The following TNRC18 variants were observed in gnomAD, a reference collection of about 807,000 sequenced individuals.
TNRC18 encodes the protein trinucleotide repeat-containing gene 18 protein.
Under a neutral mutation model 226.7 loss-of-function variants are expected in TNRC18, and 69 were observed. The observed-to-expected ratio is 0.30, with a 90% CI of 0.25 to 0.37. The LOEUF (loss-of-function observed/expected upper bound fraction) is 0.37, where lower values mean the gene tolerates loss of function less well. Among genes scored for constraint, TNRC18 ranks in the 10% least tolerant of loss-of-function variants. TNRC18 has a pLI of 1.00. For missense variants in TNRC18, 4,754 were observed against 4,256.6 expected, an observed-to-expected ratio of 1.12 and a Z score of -3.25; for synonymous variants, 2,449 against 1,927.6, an observed-to-expected ratio of 1.27 and a Z score of -7.09.
intron 11 of TNRC18, among the ~76,000 whole-genome samples, chr7:5,369,145 C>T (rs986190789): frequency 6.6e-6 from 1 of 152,086 alleles, no homozygotes. Context: ...GTCGGGAGTT[C>T]GAGACCAGCC....
chr7:5,314,033 T>G (rs1416148106), intron 26 of TNRC18, among the ~76,000 whole-genome samples, 170 bp from the exon 27 acceptor site: 1 of 151,994 alleles, frequency 6.6e-6, no homozygotes, highest in Non-Finnish European at 1.5e-5. Flanking sequence ...TCAGGGCTCA[T>G]TGCAGCCCTA....
Position 5,361,706 on chromosome 7 carries a change from G to A in TNRC18, c.4549C>T (p.Pro1517Ser). The A allele has an allele frequency of 6.4e-7, 1 of 1,567,344 alleles. No homozygotes were observed. Among genetic ancestry groups the A allele is most frequent in the East Asian group, 2.4e-5 (1 of 41,992 alleles). Reference sequence around the variant, plus strand: ...CCTCTGCGTGCCAAGCTTCTATGGGGTTCCTCGCGCCTGTCCCTTAAAAAG... The same window carrying A: ...CCTCTGCGTGCCAAGCTTCTATGGGATTCCTCGCGCCTGTCCCTTAAAAAG... Reference protein sequence around the residue: ...RRDSEDRREEPHRSLARRGPG... With the variant: ...RRDSEDRREESHRSLARRGPG... The change falls in exon 14 of 30, where the codon CCC becomes TCC. Residue 1517 changes from proline to serine, a missense_variant. Physicochemically the swap from Pro to Ser is moderately conservative, Grantham distance 74. Transcript: ENST00000430969.
At chr7:5,355,731 T>G (rs904727576) in intron 16 of TNRC18, among the ~76,000 whole-genome samples, 4 of 152,034 alleles carry the variant, frequency 2.6e-5, no homozygotes, top group African/African-American at 9.7e-5. Context: ...ATTTTAAAAA[T>G]TAGCCGGGTG....
rs76524901 is a variant in TNRC18 at position 5,369,569 on chromosome 7, G to A, written c.4219+806C>T. On this transcript the variant is annotated intron_variant, in intron 11 of 29. Transcript: ENST00000430969. The stretch of plus-strand genomic sequence containing the variant: ...AACAGAGAGAAAAGTCGAACAGCAA[G>A]AGGGAAGGAGGGAAGGAGGGAAGGA... 2.2e-3 allele frequency among the ~76,000 whole-genome samples: 331 copies of A among 152,024 alleles called. 2 individuals are homozygous for A. The highest frequency in any genetic ancestry group is 7.2e-3 in the African/African-American group (298 of 41,422).
At chr7:5,355,414 T>A (rs551506323) in intron 16 of TNRC18, among the ~76,000 whole-genome samples, 2 of 151,802 alleles carry the variant, frequency 1.3e-5, no homozygotes, top group Admixed American at 6.6e-5. Flanking sequence ...GATCTCTTGA[T>A]CCCAGGAGTT....
chr7:5,361,068 A>C (rs1350362429), intron 14 of TNRC18, among the ~76,000 whole-genome samples: 2 of 152,174 alleles, frequency 1.3e-5, no homozygotes, highest in African/African-American at 4.8e-5. Context: ...AAAAGCTCTC[A>C]TTCCAGCTGG....
At chr7:5,373,472 G>A (rs928505562) in intron 10 of TNRC18, among the ~76,000 whole-genome samples, 1 of 152,178 alleles carries the variant, frequency 6.6e-6, no homozygotes, top group African/African-American at 2.4e-5. Context: ...AGAGACAGGC[G>A]CCGGGCCAAG....
rs780742345 is a variant in TNRC18 at position 5,376,856 on chromosome 7, G to C, written c.2599C>G (p.Pro867Ala). The change falls in exon 8 of 30, where the codon CCT becomes GCT. Residue 867 changes from proline (P) to alanine (A), a missense_variant. Coordinates refer to ENST00000430969, the MANE Select transcript of TNRC18 (RefSeq NM_001080495.3). ...TAGAAGGTCCACTTACCAAAGTGAGGAAGGTGATCACTGGGAATGACCACC... is the reference window on the plus strand; with the variant it reads ...TAGAAGGTCCACTTACCAAAGTGAGCAAGGTGATCACTGGGAATGACCACC... ...QLVVIPSDHL[P>A]HFAELMERAT... The C allele has an allele frequency of 6.2e-7, 1 of 1,611,444 alleles. No homozygotes were observed. The highest frequency in any genetic ancestry group is 1.3e-5 in the African/African-American group (1 of 74,902).
In TNRC18 at chr7:5,370,646, T is replaced by C. The variant is rs1794054043; in HGVS notation, c.3948A>G (p.Val1316=). 1 of 1,612,908 alleles carries C rather than the reference T, an allele frequency of 6.2e-7. No homozygotes were observed. The highest frequency in any genetic ancestry group is 1.7e-4 in the Middle Eastern group (1 of 6,058). ...PSLEPQEAVP[V]LGSTCFLEEA... ...CTTCCAGGAAGCAGGTGCTGCCGAG[T>C]ACAGGCACGGCCTCTTGGGGCTCCA... Residue 1316 remains valine (V), a synonymous_variant, in exon 11 of 30, where the codon GTA becomes GTG. Transcript: ENST00000430969.
At chr7:5,379,163 C>T (rs1219458888) in intron 5 of TNRC18, among the ~76,000 whole-genome samples, 1 of 151,770 alleles carries the variant, frequency 6.6e-6, no homozygotes, top group Non-Finnish European at 1.5e-5. Context: ...CACCACTGCA[C>T]TCCAGCCTGG....
intron 13 of TNRC18, 25 bp downstream of exon 13, chr7:5,361,872 C>G: frequency 6.6e-7 from 1 of 1,524,968 alleles, no homozygotes; most frequent in Non-Finnish European, 8.8e-7. Context: ...AGGGGCCCCA[C>G]GGGGCGGGCG....
intron 2 of TNRC18, among the ~76,000 whole-genome samples, chr7:5,404,763 A>AGAGTGTGTGTGTGTGTGT (rs1554301687): frequency 2.0e-5 from 3 of 147,122 alleles, no homozygotes; most frequent in African/African-American, 7.5e-5. Flanking sequence ...GCACACTTTC[A>AGAGTGTGTGTGTGTGTGT]GTGTGTGTGT....
chr7:5,370,365 G>A lies in TNRC18; in HGVS notation c.4219+10C>T, dbSNP rs778885415. On this transcript the variant is annotated intron_variant, in intron 11 of 29. Transcript: ENST00000430969. Reference sequence around the variant, plus strand: ...CGAATCTGCAGAACTCAGAGGTCGCGCACTCTCACCTCCCATCTCTTGGCT... The same window carrying A: ...CGAATCTGCAGAACTCAGAGGTCGCACACTCTCACCTCCCATCTCTTGGCT... 2.3e-5 allele frequency: 35 copies of A among 1,537,200 alleles called. No homozygotes were observed. The highest frequency in any genetic ancestry group is 4.8e-5 in the South Asian group (4 of 83,734).
At chr7:5,361,868 C>T in intron 13 of TNRC18, 29 bp downstream of exon 13, 2 of 1,524,902 alleles carry the variant, frequency 1.3e-6, no homozygotes, top group Non-Finnish European at 1.8e-6. Flanking sequence ...GGGCAGGGGC[C>T]CCACGGGGCG....
chr7:5,355,922 T>G (rs113618521), intron 16 of TNRC18, among the ~76,000 whole-genome samples: 1 of 151,894 alleles, frequency 6.6e-6, no homozygotes, highest in Non-Finnish European at 1.5e-5. Context: ...TCCCAGCACT[T>G]TGCAGGCCGA....
Position 5,374,499 on chromosome 7 carries a change from G to A in TNRC18, c.2800-15C>T. ...AACCGCTCCTGCTGGGAAGGGGCCGGCAGGCAGGGTCAGCACGGCACGAGT... is the reference window on the plus strand; with the variant it reads ...AACCGCTCCTGCTGGGAAGGGGCCGACAGGCAGGGTCAGCACGGCACGAGT... On this transcript the variant is annotated splice_polypyrimidine_tract_variant and intron_variant, in intron 9 of 29. Coordinates refer to ENST00000430969, the MANE Select transcript of TNRC18 (RefSeq NM_001080495.3). 2 of 1,540,494 alleles carry A rather than the reference G, an allele frequency of 1.3e-6. No individual in the cohort carries two copies. Among genetic ancestry groups the A allele is most frequent in the Admixed American group, 2.0e-5 (1 of 50,538 alleles).
At chr7:5,410,576 A>C (rs1179366393) in intron 2 of TNRC18, among the ~76,000 whole-genome samples, 1 of 152,146 alleles carries the variant, frequency 6.6e-6, no homozygotes. Context: ...AAGAATAACA[A>C]TAACCGTGGC....
chr7:5,323,820 G>A (rs548220078), intron 21 of TNRC18, among the ~76,000 whole-genome samples: 15 of 152,124 alleles, frequency 9.9e-5, no homozygotes, highest in African/African-American at 2.7e-4. Flanking sequence ...TGCCCAACTC[G>A]GTCTCCTAAA....
chr7:5,374,209 G>A lies in TNRC18; in HGVS notation c.3075C>T (p.Ala1025=). 6.9e-7 allele frequency: 1 copy of A among 1,455,728 alleles called. No individual in the cohort carries two copies. The highest frequency in any genetic ancestry group is 9.1e-7 in the Non-Finnish European group (1 of 1,102,290). The allele number at this position is 1,455,728 out of a possible 1,614,324, so 90.2% of individuals were successfully genotyped here. A position where few individuals can be genotyped will look rare whatever the true frequency, so the allele number is the denominator to read the frequency against. ...GGCTGGTGGGGTGGGAGCTGGGGGT[G>A]GCGGGGTAGGCGTAGGCGGGTGGCT... ...VSKPPAYAYP[A]TPSSHPTSPP... is the part of the protein sequence containing the mutation. The change falls in exon 10 of 30, where the codon GCC becomes GCT. Residue 1025 remains alanine (A), a synonymous_variant. Transcript: ENST00000430969.
Sources: gnomAD v4.1 joint callset for allele counts (sites outside exome capture counted in the v4.1 genomes callset) on GRCh38, gnomAD v4.1.1 for gene constraint, MANE v1.5 for transcripts, NCBI Gene and HGNC (gene_info 2026-07-23, HGNC 2026-07-21) for gene names.